LHFPL3: variants seen among roughly 807,000 people sequenced by gnomAD.
LHFPL3 encodes LHFPL tetraspan subfamily member 3.
LHFPL3 carries 5 observed loss-of-function variants against 19.3 expected under a neutral mutation model. The observed-to-expected ratio is 0.26, with a 90% CI of 0.14 to 0.54. The LOEUF (loss-of-function observed/expected upper bound fraction) is 0.54. LHFPL3 is among the 20% of genes least tolerant of loss of function. The probability of loss-of-function intolerance (pLI) is 0.94; values close to 1 mark genes in which losing one functional copy is unlikely to be tolerated. For missense variants in LHFPL3, 249 were observed against 307.4 expected (o/e 0.81, Z 1.42); for synonymous variants, 133 against 126.2 (o/e 1.05, Z -0.36).
intron 2 of LHFPL3, among the ~76,000 whole-genome samples, chr7:104,804,635 G>A (rs1205289594): frequency 6.6e-6 from 1 of 152,124 alleles, no homozygotes; most frequent in African/African-American, 2.4e-5. Context: ...ATGCTTTGAT[G>A]AAGCAAGCTG....
intron 1 of LHFPL3, among the ~76,000 whole-genome samples, chr7:104,518,211 CAGTA>C (rs1270121335): frequency 3.3e-5 from 5 of 152,102 alleles, no homozygotes; most frequent in Admixed American, 6.6e-5. Context: ...ATACTACTAA[CAGTA>C]AGTTTATATT....
chr7:104,634,695 G>T (rs1251642002), intron 1 of LHFPL3, among the ~76,000 whole-genome samples: 2 of 152,166 alleles, frequency 1.3e-5, no homozygotes, highest in African/African-American at 4.8e-5. Flanking sequence ...CTTCTTTGAA[G>T]AAATTGAGCC....
At position 104,704,697 on chromosome 7, in the gene LHFPL3, G is replaced by T. The variant is rs559773788; in HGVS notation, c.446-31978G>T. 7.5e-4 allele frequency among the ~76,000 whole-genome samples: 113 copies of T among 151,118 alleles called. 1 individual carries two copies. The highest frequency in any genetic ancestry group is 2.7e-3 in the African/African-American group (111 of 41,004). On this transcript the variant is annotated intron_variant, in intron 1 of 2. Transcript: ENST00000424859. ...ATCACCCAGGCTAAAGTGCAATGGC[G>T]TGATCACGGCTTACTACAGCCTCGG...
At chr7:104,708,417 T>C (rs975914513) in intron 1 of LHFPL3, among the ~76,000 whole-genome samples, 3 of 152,200 alleles carry the variant, frequency 2.0e-5, no homozygotes, top group Admixed American at 6.5e-5. Flanking sequence ...TTGAATCTTA[T>C]TGTAGTACAG....
At chr7:104,895,993 TAGATGGCGGCCTTCTTGCCGCGTCCTC>T (rs1172013926) in intron 2 of LHFPL3, 3 of 152,298 alleles carry the variant, frequency 2.0e-5, no homozygotes, top group Admixed American at 2.0e-4. Flanking sequence ...CCTTGGCTTG[TAGATGGCGGCCTTCTTGCCGCGTCCTC>T]AGATGGCTTT....
At chr7:104,568,761 C>G (rs1790171261) in intron 1 of LHFPL3, among the ~76,000 whole-genome samples, 1 of 152,104 alleles carries the variant, frequency 6.6e-6, no homozygotes, top group South Asian at 2.1e-4. Context: ...TGTATTCTCC[C>G]AAAAACTCAC....
At chr7:104,700,909 G>C (rs905533983) in intron 1 of LHFPL3, among the ~76,000 whole-genome samples, 3 of 152,104 alleles carry the variant, frequency 2.0e-5, no homozygotes, top group African/African-American at 7.2e-5. Flanking sequence ...TTTATCTCCA[G>C]GCCTGCTGCA....
chr7:104,845,359 GT>G (rs560852937), intron 2 of LHFPL3: 3 of 1,391,294 alleles, frequency 2.2e-6, no homozygotes, highest in South Asian at 2.5e-5. Flanking sequence ...TAACCGTTCT[GT>G]TTTTTCCTCC....
intron 1 of LHFPL3, among the ~76,000 whole-genome samples, chr7:104,387,174 T>A (rs549712286): frequency 6.6e-6 from 1 of 152,122 alleles, no homozygotes; most frequent in African/African-American, 2.4e-5. Context: ...AACAAACTTA[T>A]AGATTATTTT....
intron 1 of LHFPL3, among the ~76,000 whole-genome samples, chr7:104,346,510 C>T (rs1790068508): frequency 1.3e-5 from 2 of 152,050 alleles, no homozygotes; most frequent in Admixed American, 1.3e-4. Context: ...GAGAAATGGA[C>T]ACAGATGCAT....
At chr7:104,540,256 T>A (rs1241175398) in intron 1 of LHFPL3, among the ~76,000 whole-genome samples, 1 of 152,082 alleles carries the variant, frequency 6.6e-6, no homozygotes, top group Non-Finnish European at 1.5e-5. Context: ...AAAAAAACTA[T>A]AATGTTGAGC....
At chr7:104,619,865 C>T (rs1012821362) in intron 1 of LHFPL3, among the ~76,000 whole-genome samples, 1 of 151,994 alleles carries the variant, frequency 6.6e-6, no homozygotes, top group Non-Finnish European at 1.5e-5. Flanking sequence ...GCAGGTGGGG[C>T]AGCAGGGGGC....
chr7:104,898,994 T>G (rs922471704), intron 2 of LHFPL3, among the ~76,000 whole-genome samples: 3 of 151,104 alleles, frequency 2.0e-5, no homozygotes, highest in African/African-American at 7.3e-5. Flanking sequence ...TCCCAGCTAC[T>G]TACGGGGCTG....
intron 1 of LHFPL3, among the ~76,000 whole-genome samples, chr7:104,666,711 C>T (rs1343359316): frequency 2.7e-5 from 4 of 150,366 alleles, no homozygotes; most frequent in Non-Finnish European, 5.9e-5. Context: ...TTAGTACAGA[C>T]GGGGTTTCAC....
chr7:104,879,400 A>G (rs1792005284), intron 2 of LHFPL3, among the ~76,000 whole-genome samples: 1 of 151,972 alleles, frequency 6.6e-6, no homozygotes. Flanking sequence ...TGTGCAACAG[A>G]GTGAGACCCT....
chr7:104,650,386 A>C (rs1792010120), intron 1 of LHFPL3, among the ~76,000 whole-genome samples: 1 of 152,200 alleles, frequency 6.6e-6, no homozygotes, highest in Admixed American at 6.5e-5. Flanking sequence ...CCAGACAAAA[A>C]GGGTGATGGT....
chr7:104,818,298 T>C (rs1790604717), intron 2 of LHFPL3, among the ~76,000 whole-genome samples: 1 of 151,862 alleles, frequency 6.6e-6, no homozygotes, highest in African/African-American at 2.4e-5. Flanking sequence ...GGGCAGGAAG[T>C]TGTCTCTAAA....
chr7:104,583,784 C>T (rs1261376332), intron 1 of LHFPL3, among the ~76,000 whole-genome samples: 12 of 151,468 alleles, frequency 7.9e-5, no homozygotes, highest in East Asian at 1.9e-4. Flanking sequence ...GTTAGAATGG[C>T]GATCATTAAA....
chr7:104,829,848 T>C (rs1287139392), intron 2 of LHFPL3, among the ~76,000 whole-genome samples: 3 of 151,994 alleles, frequency 2.0e-5, no homozygotes, highest in African/African-American at 7.3e-5. Flanking sequence ...ATATACCCAG[T>C]AATGGGATGG....
Sources: gnomAD v4.1 joint callset for allele counts (sites outside exome capture counted in the v4.1 genomes callset) on GRCh38, gnomAD v4.1.1 for gene constraint, MANE v1.5 for transcripts, NCBI Gene and HGNC (gene_info 2026-07-23, HGNC 2026-07-21) for gene names.